HS6ST3: variants seen among roughly 807,000 people sequenced by gnomAD.
HS6ST3 encodes heparan-sulfate 6-O-sulfotransferase 3.
Under a neutral mutation model 36.7 loss-of-function variants are expected in HS6ST3, and 12 were observed. The observed-to-expected ratio is 0.33, with a 90% CI of 0.21 to 0.53. HS6ST3 has a LOEUF of 0.53. HS6ST3 is among the 20% of genes least tolerant of loss of function. HS6ST3 has a pLI of 0.95. For missense variants in HS6ST3, 584 were observed against 640.9 expected (o/e 0.91, Z 0.96); for synonymous variants, 240 against 257.5 (o/e 0.93, Z 0.65).
chr13:96,314,793 A>G (rs912084687), intron 1 of HS6ST3, among the ~76,000 whole-genome samples: 11 of 152,212 alleles, frequency 7.2e-5, no homozygotes, highest in Non-Finnish European at 8.8e-5. Context: ...ATTTGGGGGC[A>G]TCTGGGAATC....
chr13:96,718,333 C>G (rs1186722101), intron 1 of HS6ST3, among the ~76,000 whole-genome samples: 1 of 152,180 alleles, frequency 6.6e-6, no homozygotes, highest in African/African-American at 2.4e-5. Context: ...GTGCAGGCCT[C>G]AGATCAAAGC....
chr13:96,145,471 A>AT (rs1437286263), intron 1 of HS6ST3, among the ~76,000 whole-genome samples: 1 of 152,044 alleles, frequency 6.6e-6, no homozygotes, highest in Non-Finnish European at 1.5e-5. Flanking sequence ...AGTGTCTGTT[A>AT]TATCCTTCGC....
intron 1 of HS6ST3, among the ~76,000 whole-genome samples, chr13:96,148,959 T>G (rs2054070803): frequency 6.6e-6 from 1 of 152,126 alleles, no homozygotes; most frequent in Non-Finnish European, 1.5e-5. Context: ...AGAAAACACA[T>G]CCTGTTTATT....
At chr13:96,600,936 C>T (rs2056419330) in intron 1 of HS6ST3, among the ~76,000 whole-genome samples, 1 of 152,022 alleles carries the variant, frequency 6.6e-6, no homozygotes, top group Admixed American at 6.6e-5. Flanking sequence ...TTTAGTTTTG[C>T]CAGATTCAAA....
chr13:96,522,233 CTTCTT>C (rs1594799246), intron 1 of HS6ST3, among the ~76,000 whole-genome samples: 2 of 152,138 alleles, frequency 1.3e-5, no homozygotes, highest in East Asian at 3.9e-4. Context: ...TGTGATTTCT[CTTCTT>C]TTACATTTGC....
intron 1 of HS6ST3, among the ~76,000 whole-genome samples, chr13:96,646,197 C>T (rs2056588068): frequency 6.6e-6 from 1 of 151,970 alleles, no homozygotes; most frequent in Admixed American, 6.6e-5. Context: ...ACAAGAGTCT[C>T]CAATTTATTG....
intron 1 of HS6ST3, among the ~76,000 whole-genome samples, chr13:96,490,455 T>A (rs2055939198): frequency 6.6e-6 from 1 of 152,192 alleles, no homozygotes; most frequent in African/African-American, 2.4e-5. Flanking sequence ...GACAGAATTT[T>A]AGGGACATTA....
chr13:96,506,513 G>A (rs1402756540), intron 1 of HS6ST3, among the ~76,000 whole-genome samples: 5 of 152,128 alleles, frequency 3.3e-5, no homozygotes, highest in African/African-American at 7.2e-5. Flanking sequence ...CTCTTAAATA[G>A]GATAGGAAAC....
intron 1 of HS6ST3, among the ~76,000 whole-genome samples, chr13:96,524,971 C>T (rs955395763): frequency 6.6e-6 from 1 of 152,158 alleles, no homozygotes; most frequent in Non-Finnish European, 1.5e-5. Flanking sequence ...TGGAGCTGTT[C>T]CTATTCGGCC....
At chr13:96,413,228 A>G (rs2055516915) in intron 1 of HS6ST3, among the ~76,000 whole-genome samples, 1 of 152,204 alleles carries the variant, frequency 6.6e-6, no homozygotes, top group Non-Finnish European at 1.5e-5. Context: ...ATAATGTTTC[A>G]TACTGCCATG....
chr13:96,600,871 T>C (rs2056419165), intron 1 of HS6ST3, among the ~76,000 whole-genome samples: 1 of 152,148 alleles, frequency 6.6e-6, no homozygotes, highest in African/African-American at 2.4e-5. Context: ...TGGTGACAAG[T>C]TCCCTCAGCA....
At chr13:96,428,986 GC>G (rs2055601081) in intron 1 of HS6ST3, among the ~76,000 whole-genome samples, 1 of 152,190 alleles carries the variant, frequency 6.6e-6, no homozygotes, top group Admixed American at 6.5e-5. Flanking sequence ...AAAATCACGT[GC>G]CCATATTACA....
At chr13:96,621,975 G>C (rs969457552) in intron 1 of HS6ST3, among the ~76,000 whole-genome samples, 1 of 146,514 alleles carries the variant, frequency 6.8e-6, no homozygotes, top group Admixed American at 6.9e-5. Flanking sequence ...TGTTTGGATA[G>C]GCTCAAAGCA....
chr13:96,541,181 C>T lies in HS6ST3; in HGVS notation c.708-291309C>T, dbSNP rs1317739210. On this transcript the variant is annotated intron_variant, in intron 1 of 1. Transcript: ENST00000376705. ...CCAAGTAGCTGGGATCACAGGTGCCCGCTGCCACCCCACCTGGCTAATTTT... is the reference window on the plus strand; with the variant it reads ...CCAAGTAGCTGGGATCACAGGTGCCTGCTGCCACCCCACCTGGCTAATTTT... Among the ~76,000 whole-genome samples, 5 of 152,116 alleles carry T rather than the reference C, an allele frequency of 3.3e-5. No individual in the cohort carries two copies. The East Asian group carries it at 5.8e-4, about 18-fold the overall frequency.
intron 1 of HS6ST3, among the ~76,000 whole-genome samples, chr13:96,388,337 T>G (rs925101440): frequency 1.3e-5 from 2 of 152,204 alleles, no homozygotes; most frequent in African/African-American, 2.4e-5. Context: ...TGTTGTATAG[T>G]TTCTGAAGGA....
chr13:96,295,073 A>G (rs1256757170), intron 1 of HS6ST3, among the ~76,000 whole-genome samples: 3 of 152,106 alleles, frequency 2.0e-5, no homozygotes, highest in African/African-American at 7.2e-5. Flanking sequence ...GGTTAAGACT[A>G]GGGCCATGGT....
At chr13:96,364,673 G>A (rs1478248289) in intron 1 of HS6ST3, among the ~76,000 whole-genome samples, 1 of 152,184 alleles carries the variant, frequency 6.6e-6, no homozygotes, top group Non-Finnish European at 1.5e-5. Context: ...ACAAGTTCAG[G>A]AAATGGATAG....
chr13:96,500,544 T>G (rs2138912623), intron 1 of HS6ST3, among the ~76,000 whole-genome samples: 1 of 152,242 alleles, frequency 6.6e-6, no homozygotes, highest in East Asian at 1.9e-4. Context: ...AGTAGGCTGT[T>G]GCAATAATCC....
chr13:96,798,122 T>A (rs1877958576), intron 1 of HS6ST3, among the ~76,000 whole-genome samples: 2 of 151,976 alleles, frequency 1.3e-5, no homozygotes, highest in African/African-American at 4.8e-5. Flanking sequence ...ACTGGCTTAT[T>A]ATGACGGATA....
Sources: gnomAD v4.1 joint callset for allele counts (sites outside exome capture counted in the v4.1 genomes callset) on GRCh38, gnomAD v4.1.1 for gene constraint, MANE v1.5 for transcripts, NCBI Gene and HGNC (gene_info 2026-07-23, HGNC 2026-07-21) for gene names.